Variants in DEPDC1B observed in about 807,000 individuals in gnomAD.
DEPDC1B encodes the protein DEP domain containing 1B, also known as DEP domain-containing protein 1B.
A neutral mutation model predicts 66.5 loss-of-function variants in DEPDC1B; 51 were observed. The ratio of observed to expected loss-of-function variants is 0.77; its 90% CI spans 0.61 to 0.97. The LOEUF (loss-of-function observed/expected upper bound fraction) is 0.97. Among genes scored for constraint, DEPDC1B ranks in the 50% least tolerant of loss-of-function variants. DEPDC1B has a pLI of 0.00. For missense variants in DEPDC1B, 552 were observed against 637.1 expected (o/e 0.87, Z 1.44); for synonymous variants, 226 against 223.6 (o/e 1.01, Z -0.10).
At chr5:60,645,388 ATT>A (rs1753287699) in intron 4 of DEPDC1B, 102 bp downstream of exon 4, 8 of 1,173,424 alleles carry the variant, frequency 6.8e-6, no homozygotes, top group Non-Finnish European at 9.2e-6. Context: ...CAAAGTTGAG[ATT>A]TTTATACATA....
chr5:60,597,947 A>C, intron 10 of DEPDC1B, 33 bp from the exon 11 acceptor site: 1 of 1,526,554 alleles, frequency 6.6e-7, no homozygotes, highest in Non-Finnish European at 8.7e-7. Context: ...AAGAGTAAAA[A>C]AAGACACATA....
At chr5:60,629,969 C>G (rs1359288920) in intron 7 of DEPDC1B, among the ~76,000 whole-genome samples, 1 of 152,126 alleles carries the variant, frequency 6.6e-6, no homozygotes, top group Non-Finnish European at 1.5e-5. Flanking sequence ...AATCATTTTC[C>G]TCTATGTTTT....
At chr5:60,619,643 T>A (rs1311128074) in intron 7 of DEPDC1B, among the ~76,000 whole-genome samples, 1 of 152,082 alleles carries the variant, frequency 6.6e-6, no homozygotes, top group African/African-American at 2.4e-5. Flanking sequence ...TAAAAGAGGA[T>A]ACAAACAAAT....
At chr5:60,632,769 G>T (rs925446109) in intron 7 of DEPDC1B, among the ~76,000 whole-genome samples, 3 of 152,202 alleles carry the variant, frequency 2.0e-5, no homozygotes, top group Admixed American at 6.5e-5. Flanking sequence ...CCAGCCTGGG[G>T]AATGGAGACC....
intron 7 of DEPDC1B, among the ~76,000 whole-genome samples, chr5:60,629,771 A>C (rs1390414674): frequency 6.6e-6 from 1 of 152,184 alleles, no homozygotes; most frequent in Non-Finnish European, 1.5e-5. Context: ...GTTAGATAAC[A>C]ACCCTTTCAG....
In DEPDC1B at chr5:60,597,539, A is replaced by C. The variant is rs866755598; in HGVS notation, c.*214T>G. ...ATTATCACTATATATTTGACTCATA[A>C]ATTTTAACCAATTTATACACTTTAA... On this transcript the variant is annotated 3_prime_UTR_variant, in exon 11 of 11. Coordinates refer to ENST00000265036, the MANE Select transcript of DEPDC1B (RefSeq NM_018369.3). 5.0e-5 allele frequency: 24 copies of C among 475,758 alleles called. No homozygotes were observed. Among genetic ancestry groups the C allele is most frequent in the Middle Eastern group, 5.5e-4 (1 of 1,804 alleles). The allele number at this position is 475,758 out of a possible 1,614,324, so 29.5% of individuals were successfully genotyped here.
At chr5:60,627,420 A>C (rs993039914) in intron 7 of DEPDC1B, among the ~76,000 whole-genome samples, 4 of 152,034 alleles carry the variant, frequency 2.6e-5, no homozygotes, top group African/African-American at 9.7e-5. Flanking sequence ...GTTCTGAAGG[A>C]CATTAGCATT....
At chr5:60,652,295 A>G (rs1226537435) in intron 2 of DEPDC1B, among the ~76,000 whole-genome samples, 1 of 149,304 alleles carries the variant, frequency 6.7e-6, no homozygotes, top group African/African-American at 2.5e-5. Flanking sequence ...ACACAAAACC[A>G]TCACCGTGTA....
chr5:60,653,793 A>G (rs1189370592), intron 2 of DEPDC1B, among the ~76,000 whole-genome samples: 1 of 132,664 alleles, frequency 7.5e-6, no homozygotes, highest in East Asian at 2.9e-4. Context: ...AAGGTGAGAG[A>G]TGAGGATCCA....
intron 8 of DEPDC1B, among the ~76,000 whole-genome samples, chr5:60,605,448 T>A (rs1752289002): frequency 6.6e-6 from 1 of 152,202 alleles, no homozygotes; most frequent in South Asian, 2.1e-4. Context: ...AAAATAATTT[T>A]AAGTGGGAGA....
At chr5:60,613,788 T>TTGTGTGTGTGTG (rs36109910) in intron 7 of DEPDC1B, among the ~76,000 whole-genome samples, 155 of 103,380 alleles carry the variant, frequency 1.5e-3, no homozygotes, top group African/African-American at 3.7e-3. Flanking sequence ...ACATATGTAT[T>TTGTGTGTGTGTG]TGTGTGTGTG....
intron 1 of DEPDC1B, among the ~76,000 whole-genome samples, chr5:60,692,186 G>A (rs918558858): frequency 6.6e-6 from 1 of 152,138 alleles, no homozygotes; most frequent in Non-Finnish European, 1.5e-5. Context: ...GCTGAGGGGA[G>A]TGGGGAACGG....
intron 2 of DEPDC1B, among the ~76,000 whole-genome samples, chr5:60,670,985 T>C (rs73759369): frequency 0.019 from 2,849 of 150,846 alleles, 107 homozygotes; most frequent in African/African-American, 0.066. Flanking sequence ...TGGCACTTCC[T>C]GGAGATCTAC....
chr5:60,621,292 A>C (rs1256375024), intron 7 of DEPDC1B, among the ~76,000 whole-genome samples: 1 of 151,428 alleles, frequency 6.6e-6, no homozygotes, highest in Non-Finnish European at 1.5e-5. Context: ...ATAATAATAA[A>C]ATTTTAAAAA....
At chr5:60,672,455 A>C (rs1031407549) in intron 2 of DEPDC1B, among the ~76,000 whole-genome samples, 1 of 152,184 alleles carries the variant, frequency 6.6e-6, no homozygotes, top group African/African-American at 2.4e-5. Context: ...GGAGAGAAAG[A>C]AAGAGCGCAA....
intron 7 of DEPDC1B, among the ~76,000 whole-genome samples, chr5:60,624,761 G>A (rs1752775248): frequency 6.6e-6 from 1 of 152,118 alleles, no homozygotes; most frequent in Non-Finnish European, 1.5e-5. Context: ...TGGGGTACAT[G>A]TACAGAACGT....
At chr5:60,654,364 TTC>T (rs1166996980) in intron 2 of DEPDC1B, among the ~76,000 whole-genome samples, 4 of 148,338 alleles carry the variant, frequency 2.7e-5, no homozygotes, top group Non-Finnish European at 5.9e-5. Context: ...TGTTTTTTTT[TTC>T]TTTTTTTTTG....
At chr5:60,670,640 G>A (rs1378899762) in intron 2 of DEPDC1B, among the ~76,000 whole-genome samples, 1 of 152,196 alleles carries the variant, frequency 6.6e-6, no homozygotes, top group Non-Finnish European at 1.5e-5. Context: ...GAATGGAATG[G>A]TATATGAATT....
intron 2 of DEPDC1B, among the ~76,000 whole-genome samples, chr5:60,668,353 C>T (rs1215905647): frequency 1.3e-5 from 2 of 149,162 alleles, no homozygotes; most frequent in Non-Finnish European, 3.0e-5. Context: ...CATCTCACTG[C>T]AACCTCCGCC....
Sources: gnomAD v4.1 joint callset for allele counts (sites outside exome capture counted in the v4.1 genomes callset) on GRCh38, gnomAD v4.1.1 for gene constraint, MANE v1.5 for transcripts, NCBI Gene and HGNC (gene_info 2026-07-23, HGNC 2026-07-21) for gene names.